THEM4: variants seen among roughly 807,000 people sequenced by gnomAD.
The protein encoded by THEM4 is thioesterase superfamily member 4.
THEM4 carries 22 observed loss-of-function variants against 25.0 expected under a neutral mutation model. The ratio of observed to expected loss-of-function variants is 0.88; its 90% CI spans 0.63 to 1.26. THEM4 has a LOEUF of 1.26. Ranked by LOEUF, THEM4 falls within the 50% of genes most tolerant of loss-of-function variation. The pLI is 0.00. For synonymous variants in THEM4, 113 were observed against 105.6 expected, an observed-to-expected ratio of 1.07 and a Z score of -0.43; for missense variants, 286 against 300.3, an observed-to-expected ratio of 0.95 and a Z score of 0.35.
chr1:151,872,792 A>C lies in THEM4; in HGVS notation c.*2096T>G, dbSNP rs1329831035. Among the ~76,000 whole-genome samples, 1 of 152,142 alleles carries C rather than the reference A, an allele frequency of 6.6e-6. No homozygotes were observed. The highest frequency in any genetic ancestry group is 1.5e-5 in the Non-Finnish European group (1 of 68,014). ...TCTCAATTAACCAGGGGCAAAATGC[A>C]CTGTGGAAAGCCGCAGGGACCTCTG... On this transcript the variant is annotated 3_prime_UTR_variant, in exon 6 of 6. Coordinates refer to ENST00000368814, the MANE Select transcript of THEM4 (RefSeq NM_053055.5).
chr1:151,906,793 T>A (rs1654478311), intron 1 of THEM4, among the ~76,000 whole-genome samples: 1 of 152,090 alleles, frequency 6.6e-6, no homozygotes, highest in Non-Finnish European at 1.5e-5. Flanking sequence ...ACCTTTGTGT[T>A]GACACTCTGT....
intron 2 of THEM4, among the ~76,000 whole-genome samples, chr1:151,894,254 T>A (rs1004233783): frequency 6.6e-6 from 1 of 152,210 alleles, no homozygotes; most frequent in Non-Finnish European, 1.5e-5. Context: ...CTCAGAAATA[T>A]CTGTGAATGA....
At chr1:151,898,439 C>T (rs1398328418) in intron 1 of THEM4, among the ~76,000 whole-genome samples, 1 of 152,158 alleles carries the variant, frequency 6.6e-6, no homozygotes, top group Non-Finnish European at 1.5e-5. Flanking sequence ...CAAGATCCCC[C>T]CAAGGAGAGT....
intron 5 of THEM4, 90 bp downstream of exon 5, chr1:151,876,911 C>A (rs531671208): frequency 5.4e-6 from 8 of 1,494,170 alleles, no homozygotes; most frequent in Non-Finnish European, 7.1e-6. Flanking sequence ...CTGACCCCCA[C>A]AAAACCCAAA....
intron 3 of THEM4, among the ~76,000 whole-genome samples, chr1:151,888,659 TTTATA>T (rs1023047379): frequency 4.6e-5 from 7 of 152,054 alleles, no homozygotes; most frequent in African/African-American, 1.7e-4. Context: ...ATTTAGAAAA[TTTATA>T]TTATGTTTTT....
chr1:151,899,213 C>A (rs776438591), intron 1 of THEM4, among the ~76,000 whole-genome samples: 1 of 152,158 alleles, frequency 6.6e-6, no homozygotes, highest in Non-Finnish European at 1.5e-5. Flanking sequence ...GAAGGGAGGG[C>A]CAGGTGTGGT....
chr1:151,871,943 A>G lies in THEM4; in HGVS notation c.*2945T>C, dbSNP rs1226096624. On this transcript the variant is annotated 3_prime_UTR_variant, in exon 6 of 6. Coordinates refer to ENST00000368814, the MANE Select transcript of THEM4 (RefSeq NM_053055.5). ...AGCGCTGGCTTATTCCTTCGGAGTCATATTTTTTAACATGTGAAATATAAT... is the reference window on the plus strand; with the variant it reads ...AGCGCTGGCTTATTCCTTCGGAGTCGTATTTTTTAACATGTGAAATATAAT... 2.0e-5 allele frequency among the ~76,000 whole-genome samples: 3 copies of G among 152,220 alleles called. No homozygotes were observed. The highest frequency in any genetic ancestry group is 4.4e-5 in the Non-Finnish European group (3 of 68,042).
chr1:151,872,194 A>G lies in THEM4; in HGVS notation c.*2694T>C, dbSNP rs1264571311. On this transcript the variant is annotated 3_prime_UTR_variant, in exon 6 of 6. Coordinates refer to ENST00000368814, the MANE Select transcript of THEM4 (RefSeq NM_053055.5). ...AACTTGAGAACTGGAGTTGGGCACTAGAGACAGGGCTTCCAGGATGTGGGT... is the reference window on the plus strand; with the variant it reads ...AACTTGAGAACTGGAGTTGGGCACTGGAGACAGGGCTTCCAGGATGTGGGT... Among the ~76,000 whole-genome samples the G allele has an allele frequency of 6.6e-6, 1 of 152,158 alleles. No individual in the cohort carries two copies. The highest frequency in any genetic ancestry group is 6.5e-5 in the Admixed American group (1 of 15,280).
intron 2 of THEM4, 78 bp downstream of exon 2, chr1:151,894,930 T>C (rs768682518): frequency 4.2e-6 from 6 of 1,415,558 alleles, no homozygotes; most frequent in Non-Finnish European, 6.0e-6. Flanking sequence ...TTTTTTCAGG[T>C]AGTAACTAGT....
intron 2 of THEM4, 90 bp from the exon 3 acceptor site, chr1:151,889,463 A>G (rs1654043085): frequency 7.9e-7 from 1 of 1,269,700 alleles, no homozygotes; most frequent in African/African-American, 1.5e-5. Flanking sequence ...CTAGAATCAC[A>G]TGTCAATAGA....
At chr1:151,889,507 G>T in intron 2 of THEM4, 134 bp from the exon 3 acceptor site, 1 of 831,216 alleles carries the variant, frequency 1.2e-6, no homozygotes, top group Non-Finnish European at 1.9e-6. Flanking sequence ...GTGCAAAATT[G>T]AAAGGAATGG....
At chr1:151,887,266 T>C (rs529769635) in intron 4 of THEM4, among the ~76,000 whole-genome samples, 1 of 152,100 alleles carries the variant, frequency 6.6e-6, no homozygotes, top group African/African-American at 2.4e-5. Context: ...CTGTCTCTAC[T>C]GAAAATACAA....
At chr1:151,892,991 A>C (rs551120099) in intron 2 of THEM4, among the ~76,000 whole-genome samples, 1 of 152,328 alleles carries the variant, frequency 6.6e-6, no homozygotes, top group East Asian at 1.9e-4. Context: ...GAAAGGAGTC[A>C]ACAGCTGTGC....
chr1:151,896,058 T>A (rs763887904), intron 1 of THEM4, among the ~76,000 whole-genome samples: 2 of 146,510 alleles, frequency 1.4e-5, no homozygotes, highest in Non-Finnish European at 3.0e-5. Flanking sequence ...AGTGGCGCAA[T>A]CTTGGCTCAC....
chr1:151,896,036 A>AGGCT (rs1002670759), intron 1 of THEM4, among the ~76,000 whole-genome samples: 5 of 130,162 alleles, frequency 3.8e-5, no homozygotes, highest in Admixed American at 9.4e-5. Flanking sequence ...TCTGTTGTCC[A>AGGCT]GGCTGGAGTG....
intron 1 of THEM4, among the ~76,000 whole-genome samples, chr1:151,901,146 G>A (rs973103102): frequency 3.9e-5 from 6 of 152,154 alleles, no homozygotes; most frequent in Admixed American, 3.9e-4. Context: ...TCTGTTAGGG[G>A]CTCTCAGCTC....
intron 1 of THEM4, among the ~76,000 whole-genome samples, chr1:151,896,147 C>CCACACCCG (rs1654219586): frequency 1.3e-5 from 2 of 152,014 alleles, no homozygotes; most frequent in African/African-American, 2.4e-5. Flanking sequence ...TGCCGCCCCA[C>CCACACCCG]CACACCCGGC....
chr1:151,904,473 A>C (rs1025291469), intron 1 of THEM4, among the ~76,000 whole-genome samples: 5 of 152,250 alleles, frequency 3.3e-5, no homozygotes, highest in African/African-American at 1.2e-4. Context: ...TCTTTAAAGA[A>C]TCATGAAAGC....
At chr1:151,902,082 C>T (rs895956471) in intron 1 of THEM4, among the ~76,000 whole-genome samples, 1 of 152,118 alleles carries the variant, frequency 6.6e-6, no homozygotes, top group Non-Finnish European at 1.5e-5. Context: ...AATGCGATAC[C>T]ACCTTACTCC....
Sources: allele counts gnomAD v4.1 joint callset (sites outside exome capture counted in the v4.1 genomes callset), GRCh38; gene constraint gnomAD v4.1.1; transcripts MANE v1.5; gene names NCBI Gene and HGNC (gene_info 2026-07-23, HGNC 2026-07-21).